Variants in CLHC1 observed in about 807,000 individuals in gnomAD.
The protein encoded by CLHC1 is clathrin heavy chain linker domain containing 1.
A neutral mutation model predicts 69.5 loss-of-function variants in CLHC1; 72 were observed. The observed-to-expected ratio is 1.04, with a 90% CI of 0.86 to 1.26. CLHC1 has a LOEUF of 1.26. Among genes scored for constraint, CLHC1 ranks in the 50% most tolerant of loss-of-function variants. The pLI is 0.00. For synonymous variants in CLHC1, 223 were observed against 224.3 expected (o/e 0.99, Z 0.05); for missense variants, 790 against 679.3 (o/e 1.16, Z -1.81).
At chr2:55,227,848 CT>C (rs10594418) in intron 2 of CLHC1, among the ~76,000 whole-genome samples, 183 bp downstream of exon 2, 4 of 151,508 alleles carry the variant, frequency 2.6e-5, no homozygotes, top group Non-Finnish European at 5.9e-5. Flanking sequence ...ACTAATGACT[CT>C]TTTTCTTTGA....
chr2:55,173,872 T>TAAC lies in CLHC1; in HGVS notation c.*1915_*1917dup, dbSNP rs750739529. On this transcript the variant is annotated 3_prime_UTR_variant, in exon 13 of 13. Transcript: ENST00000401408. ...AAGGAAAAACAAGGCAAAATTAGAA[T>TAAC]AACAACAACAACCGCTGTTTAAGCT... is the stretch of plus-strand genomic sequence containing the variant. Among the ~76,000 whole-genome samples the TAAC allele has an allele frequency of 1.3e-5, 2 of 152,280 alleles. No individual in the cohort carries two copies. Among genetic ancestry groups the TAAC allele is most frequent in the African/African-American group, 4.8e-5 (2 of 41,558 alleles).
chr2:55,194,933 T>G lies in CLHC1; in HGVS notation c.1006+11337A>C, dbSNP rs180752638. Among the ~76,000 whole-genome samples the G allele has an allele frequency of 5.0e-3, 754 of 152,016 alleles. 1 individual carries two copies. The highest frequency in any genetic ancestry group is 7.0e-3 in the Non-Finnish European group (477 of 67,986). On this transcript the variant is annotated intron_variant, in intron 9 of 12. Coordinates refer to ENST00000401408, the MANE Select transcript of CLHC1 (RefSeq NM_152385.4). ...TAGCAACTTTTTTTTTTCTTTTTTT[T>G]GGGGGATGGGGTATCATTCTGTCGC...
chr2:55,205,412 C>T (rs1217139506), intron 9 of CLHC1, among the ~76,000 whole-genome samples: 2 of 151,274 alleles, frequency 1.3e-5, no homozygotes, highest in Middle Eastern at 3.2e-3. Flanking sequence ...CACACACACA[C>T]ACACACACAC....
chr2:55,199,852 C>T (rs1351263103), intron 9 of CLHC1, among the ~76,000 whole-genome samples: 1 of 151,772 alleles, frequency 6.6e-6, no homozygotes, highest in South Asian at 2.1e-4. Flanking sequence ...ATAAAACAAC[C>T]AAAAAATAAC....
At chr2:55,217,696 T>C in intron 4 of CLHC1, 115 bp downstream of exon 4, 5 of 576,652 alleles carry the variant, frequency 8.7e-6, no homozygotes, top group Non-Finnish European at 1.4e-5. Context: ...AAATGCATCA[T>C]TTAAATAAAA....
chr2:55,176,890 AT>A (rs960928868), intron 12 of CLHC1, among the ~76,000 whole-genome samples: 21 of 151,880 alleles, frequency 1.4e-4, no homozygotes, highest in South Asian at 1.0e-3. Context: ...TCTCTCTCTC[AT>A]TTTTTTTGAG....
chr2:55,176,903 C>T (rs1490064855), intron 12 of CLHC1, among the ~76,000 whole-genome samples: 1 of 151,854 alleles, frequency 6.6e-6, no homozygotes, highest in Non-Finnish European at 1.5e-5. Flanking sequence ...TTTTTTGAGG[C>T]AGTGTCTCAC....
chr2:55,195,220 T>C (rs1573649456), intron 9 of CLHC1, among the ~76,000 whole-genome samples: 1 of 152,202 alleles, frequency 6.6e-6, no homozygotes, highest in Non-Finnish European at 1.5e-5. Context: ...GTTACCACCA[T>C]TCCACTCTCC....
At chr2:55,205,148 G>A (rs370118900) in intron 9 of CLHC1, among the ~76,000 whole-genome samples, 12 of 151,988 alleles carry the variant, frequency 7.9e-5, no homozygotes, top group Non-Finnish European at 1.6e-4. Context: ...AAAAGGGAAC[G>A]CTTTTACATT....
chr2:55,200,393 A>G (rs1671838573), intron 9 of CLHC1, among the ~76,000 whole-genome samples: 1 of 152,184 alleles, frequency 6.6e-6, no homozygotes, highest in Non-Finnish European at 1.5e-5. Flanking sequence ...AGAAGTAGAC[A>G]AAATAGATTT....
intron 8 of CLHC1, among the ~76,000 whole-genome samples, chr2:55,207,312 A>T (rs1232108653): frequency 6.6e-6 from 1 of 152,192 alleles, no homozygotes; most frequent in African/African-American, 2.4e-5. Context: ...CTCACAATTA[A>T]TAAAACTATG....
At chr2:55,216,606 G>A (rs553839708) in intron 4 of CLHC1, among the ~76,000 whole-genome samples, 1 of 151,942 alleles carries the variant, frequency 6.6e-6, no homozygotes, top group South Asian at 2.1e-4. Flanking sequence ...CGCAATCATG[G>A]CTCATTTGTA....
At chr2:55,228,654 G>T (rs1037202495) in intron 1 of CLHC1, among the ~76,000 whole-genome samples, 1 of 152,170 alleles carries the variant, frequency 6.6e-6, no homozygotes, top group South Asian at 2.1e-4. Flanking sequence ...CCTACGGAAG[G>T]GGGCAAGGAA....
chr2:55,173,842 G>C lies in CLHC1; in HGVS notation c.*1948C>G, dbSNP rs1669157075. Among the ~76,000 whole-genome samples the C allele has an allele frequency of 6.6e-6, 1 of 152,140 alleles. No individual in the cohort carries two copies. Among genetic ancestry groups the C allele is most frequent in the Non-Finnish European group, 1.5e-5 (1 of 68,022 alleles). On this transcript the variant is annotated 3_prime_UTR_variant, in exon 13 of 13. Coordinates refer to ENST00000401408, the MANE Select transcript of CLHC1 (RefSeq NM_152385.4). ...ATGCTAACTGAGAAGGAGTAATAATGAGAAAAGGAAAAACAAGGCAAAATT... is the reference window on the plus strand; with the variant it reads ...ATGCTAACTGAGAAGGAGTAATAATCAGAAAAGGAAAAACAAGGCAAAATT...
At chr2:55,188,090 G>C (rs1030466616) in intron 9 of CLHC1, among the ~76,000 whole-genome samples, 1 of 152,148 alleles carries the variant, frequency 6.6e-6, no homozygotes, top group African/African-American at 2.4e-5. Context: ...AAGGTGGGAG[G>C]ATGGCTTAAG....
At chr2:55,209,867 C>A in intron 5 of CLHC1, 36 bp from the exon 6 acceptor site, 1 of 1,384,022 alleles carries the variant, frequency 7.2e-7, no homozygotes, top group South Asian at 1.2e-5. Context: ...CACGACAAGC[C>A]ATGTGTGGGA....
intron 3 of CLHC1, among the ~76,000 whole-genome samples, chr2:55,220,936 G>C (rs763920099): frequency 1.3e-5 from 2 of 151,986 alleles, no homozygotes; most frequent in Non-Finnish European, 2.9e-5. Flanking sequence ...ACTTCTAAAG[G>C]ATAGATTTTC....
At position 55,209,791 on chromosome 2, in the gene CLHC1, A is replaced by G; in HGVS notation, c.540T>C (p.Thr180=). The G allele has an allele frequency of 6.2e-7, 1 of 1,611,540 alleles. No homozygotes were observed. The highest frequency in any genetic ancestry group is 8.5e-7 in the Non-Finnish European group (1 of 1,178,438). ...LQESMNLDAL[T]KYMKHLEDKY... ...TATCTTCAAGATGTTTCATGTATTT[A>G]GTGAGAGCATCTAGATTCATGGATT... Residue 180 remains threonine, a synonymous_variant, in exon 6 of 13, where the codon ACT becomes ACC. Transcript: ENST00000401408.
At chr2:55,208,853 C>A in intron 7 of CLHC1, 143 bp from the exon 8 acceptor site, 2 of 499,480 alleles carry the variant, frequency 4.0e-6, no homozygotes, top group East Asian at 3.3e-5. Context: ...GTGGCCTCCC[C>A]GTCCCTTTCC....
Sources: gnomAD v4.1 joint callset for allele counts (sites outside exome capture counted in the v4.1 genomes callset) on GRCh38, gnomAD v4.1.1 for gene constraint, MANE v1.5 for transcripts, NCBI Gene and HGNC (gene_info 2026-07-23, HGNC 2026-07-21) for gene names.